The following SEMA6A variants were observed in gnomAD, a reference collection of about 807,000 sequenced individuals.
SEMA6A encodes semaphorin 6A.
A neutral mutation model predicts 96.8 loss-of-function variants in SEMA6A; 25 were observed. The observed-to-expected ratio is 0.26, with a 90% CI of 0.19 to 0.36. The LOEUF is 0.36. SEMA6A is among the 10% of genes least tolerant of loss of function. The pLI, the probability that SEMA6A is intolerant of heterozygous loss-of-function variation, is 1.00. For missense variants in SEMA6A, 1,363 were observed against 1,323.1 expected (o/e 1.03, Z -0.47); for synonymous variants, 612 against 518.0 (o/e 1.18, Z -2.46).
rs770816529 is a variant in SEMA6A at position 116,447,438 on chromosome 5, G to A, written c.2268C>T (p.Pro756=). ...DQHHLDLTAL[P]TPESTPTLQQ... ...GCAGCGTTGGGGTTGACTCTGGGGTGGGGAGGGCCGTCAGGTCCAGGTGGT... is the reference window on the plus strand; with the variant it reads ...GCAGCGTTGGGGTTGACTCTGGGGTAGGGAGGGCCGTCAGGTCCAGGTGGT... The change falls in exon 19 of 19, where the codon CCC becomes CCT. Residue 756 remains proline, a synonymous_variant. Transcript: ENST00000343348. 6.2e-7 allele frequency: 1 copy of A among 1,614,094 alleles called. No individual in the cohort carries two copies. The highest frequency in any genetic ancestry group is 8.5e-7 in the Non-Finnish European group (1 of 1,179,904).
At chr5:116,502,464 TGAG>T in intron 2 of SEMA6A, 137 bp from the exon 3 acceptor site, 1 of 659,660 alleles carries the variant, frequency 1.5e-6, no homozygotes, top group Non-Finnish European at 2.7e-6. Context: ...CATTTCCATA[TGAG>T]TCTGTTATTT....
chr5:116,495,268 T>C, intron 6 of SEMA6A, 145 bp downstream of exon 6: 1 of 676,710 alleles, frequency 1.5e-6, no homozygotes, highest in Non-Finnish European at 2.7e-6. Context: ...TTAGGATCAC[T>C]CATGTGGAGC....
In SEMA6A at chr5:116,444,737, T is replaced by C. The variant is rs1754082243; in HGVS notation, c.*1876A>G. ...CATCCATTGTGGTCGGCCTTGTACT[T>C]GGAGTTACTCGTTAATCACAGCAGG... On this transcript the variant is annotated 3_prime_UTR_variant, in exon 19 of 19. Coordinates refer to ENST00000343348, the MANE Select transcript of SEMA6A (RefSeq NM_020796.5). 6.6e-6 allele frequency: 1 copy of C among 152,314 alleles called. No individual in the cohort carries two copies. Among genetic ancestry groups the C allele is most frequent in the Non-Finnish European group, 1.5e-5 (1 of 68,048 alleles). The allele number at this position is 152,314 out of a possible 1,614,324, so 9.4% of individuals were successfully genotyped here.
chr5:116,535,574 G>C (rs1441499991), intron 1 of SEMA6A, among the ~76,000 whole-genome samples: 2 of 152,150 alleles, frequency 1.3e-5, no homozygotes, highest in East Asian at 3.9e-4. Flanking sequence ...AGGTTCAAGG[G>C]GACCCACAAA....
At position 116,488,253 on chromosome 5, in the gene SEMA6A, C is replaced by T. The variant is rs189473268; in HGVS notation, c.656-57G>A. ...ATGTCAAACAGAGTTAACAGAATTT[C>T]AATCAAGTGTAGCCAAAGACATGTT... On this transcript the variant is annotated intron_variant, in intron 8 of 18. Transcript: ENST00000343348. 4 of 1,161,588 alleles carry T rather than the reference C, an allele frequency of 3.4e-6. No homozygotes were observed. In the African/African-American group the frequency reaches 4.6e-5, roughly 13 times the overall value. 72.0% of individuals were successfully genotyped at this position (1,161,588 alleles called of 1,614,324 possible).
intron 1 of SEMA6A, among the ~76,000 whole-genome samples, chr5:116,572,553 G>A (rs1761266156): frequency 6.6e-6 from 1 of 152,188 alleles, no homozygotes. Context: ...TCGTGCGCAG[G>A]GAGCAGATGG....
At chr5:116,481,612 C>CT (rs1561486422) in intron 11 of SEMA6A, among the ~76,000 whole-genome samples, 1 of 152,162 alleles carries the variant, frequency 6.6e-6, no homozygotes, top group African/African-American at 2.4e-5. Flanking sequence ...ATTGGGCTTC[C>CT]TTCCAGAGGC....
chr5:116,511,341 A>T (rs1297679551), intron 1 of SEMA6A, among the ~76,000 whole-genome samples: 10 of 152,190 alleles, frequency 6.6e-5, no homozygotes, highest in South Asian at 2.1e-4. Flanking sequence ...TTAAAAAAAA[A>T]TTTCTATCAG....
At chr5:116,540,829 C>T (rs1350026175) in intron 1 of SEMA6A, among the ~76,000 whole-genome samples, 2 of 152,266 alleles carry the variant, frequency 1.3e-5, no homozygotes, top group Middle Eastern at 3.4e-3. Flanking sequence ...ACTTCTACTT[C>T]GGATCAGCAT....
chr5:116,485,011 A>G (rs963983356), intron 10 of SEMA6A, among the ~76,000 whole-genome samples: 1 of 152,206 alleles, frequency 6.6e-6, no homozygotes, highest in African/African-American at 2.4e-5. Context: ...GACATGACCA[A>G]GTTTGCATGT....
intron 1 of SEMA6A, among the ~76,000 whole-genome samples, chr5:116,542,866 C>G (rs573715319): frequency 2.6e-5 from 4 of 152,186 alleles, no homozygotes; most frequent in Admixed American, 2.6e-4. Context: ...GCCTGGCAAT[C>G]ACTTCCTTTA....
At chr5:116,527,307 T>G (rs1380537624) in intron 1 of SEMA6A, among the ~76,000 whole-genome samples, 2 of 152,144 alleles carry the variant, frequency 1.3e-5, no homozygotes, top group African/African-American at 4.8e-5. Flanking sequence ...TAGAGTTGGA[T>G]CTTTCAAAAT....
In SEMA6A at chr5:116,476,770, G is replaced by A. The variant is rs927310479; in HGVS notation, c.1649+1076C>T. ...TTTGTGATCCTTTCTCCTCCACCTT[G>A]AGGGTTCCCATGCAAAGGTACAGAG... On this transcript the variant is annotated intron_variant, in intron 15 of 18. Coordinates refer to ENST00000343348, the MANE Select transcript of SEMA6A (RefSeq NM_020796.5). 9.9e-5 allele frequency among the ~76,000 whole-genome samples: 15 copies of A among 152,178 alleles called. 1 individual carries two copies. The highest frequency in any genetic ancestry group is 7.2e-4 in the Admixed American group (11 of 15,272).
At chr5:116,465,156 T>C (rs1040464284) in intron 18 of SEMA6A, among the ~76,000 whole-genome samples, 1 of 152,096 alleles carries the variant, frequency 6.6e-6, no homozygotes, top group Admixed American at 6.5e-5. Flanking sequence ...TGTGACATCA[T>C]TAAGGCACCG....
At chr5:116,485,275 A>G (rs968791875) in intron 10 of SEMA6A, among the ~76,000 whole-genome samples, 23 of 152,326 alleles carry the variant, frequency 1.5e-4, no homozygotes, top group Admixed American at 9.8e-4. Context: ...CACCCTTAAA[A>G]AACAAGACAA....
intron 18 of SEMA6A, among the ~76,000 whole-genome samples, chr5:116,448,778 A>AAC (rs1355198127): frequency 0.013 from 1,886 of 145,722 alleles, 21 homozygotes; most frequent in Non-Finnish European, 0.023. Context: ...AAAAAAAAAC[A>AAC]GTGCAAACTC....
chr5:116,490,591 C>A (rs1410836481), intron 7 of SEMA6A, among the ~76,000 whole-genome samples: 1 of 152,206 alleles, frequency 6.6e-6, no homozygotes, highest in East Asian at 1.9e-4. Context: ...GACGGAACTG[C>A]TTCTCAGTAA....
At chr5:116,454,645 ACT>A (rs1754879315) in intron 18 of SEMA6A, among the ~76,000 whole-genome samples, 1 of 152,038 alleles carries the variant, frequency 6.6e-6, no homozygotes, top group African/African-American at 2.4e-5. Context: ...TGAAATGGGA[ACT>A]CTCTGTGGTT....
intron 18 of SEMA6A, among the ~76,000 whole-genome samples, chr5:116,452,182 A>G (rs1359908755): frequency 1.3e-5 from 2 of 152,120 alleles, no homozygotes; most frequent in African/African-American, 4.8e-5. Flanking sequence ...TCCTCTGCCA[A>G]CCCCTGCATC....
Sources: gnomAD v4.1 joint callset for allele counts (sites outside exome capture counted in the v4.1 genomes callset) on GRCh38, gnomAD v4.1.1 for gene constraint, MANE v1.5 for transcripts, NCBI Gene and HGNC (gene_info 2026-07-23, HGNC 2026-07-21) for gene names.